CENPP: variants seen among roughly 807,000 people sequenced by gnomAD.
CENPP encodes the protein centromere protein P.
Under a neutral mutation model 35.6 loss-of-function variants are expected in CENPP, and 24 were observed. That is an observed-to-expected ratio of 0.67 (90% confidence interval 0.49 to 0.95). The LOEUF is 0.95. CENPP is among the 40% of genes least tolerant of loss of function. CENPP has a pLI of 0.00. For synonymous variants in CENPP, 120 were observed against 125.5 expected, an observed-to-expected ratio of 0.96 and a Z score of 0.29; for missense variants, 332 against 345.3, an observed-to-expected ratio of 0.96 and a Z score of 0.31.
chr9:92,565,037 G>A (rs546293799), intron 5 of CENPP, among the ~76,000 whole-genome samples: 2 of 152,066 alleles, frequency 1.3e-5, no homozygotes, highest in Admixed American at 1.3e-4. Context: ...ATAGAAGATT[G>A]GTTAAATCAC....
chr9:92,462,288 A>G (rs1845143974), intron 5 of CENPP, among the ~76,000 whole-genome samples: 1 of 152,068 alleles, frequency 6.6e-6, no homozygotes, highest in Non-Finnish European at 1.5e-5. Context: ...CTATTCTTTC[A>G]ATTAGCAGTA....
chr9:92,556,135 C>G (rs1849719352), intron 5 of CENPP, among the ~76,000 whole-genome samples: 1 of 152,154 alleles, frequency 6.6e-6, no homozygotes, highest in African/African-American at 2.4e-5. Context: ...ATCTTGATTT[C>G]ATTTTTGACC....
intron 5 of CENPP, among the ~76,000 whole-genome samples, chr9:92,527,700 G>A (rs896024508): frequency 1.3e-5 from 2 of 152,024 alleles, no homozygotes; most frequent in African/African-American, 4.8e-5. Context: ...CAAATGTTTA[G>A]GAAATGCAGG....
intron 5 of CENPP, among the ~76,000 whole-genome samples, chr9:92,504,819 G>A (rs938456017): frequency 1.3e-5 from 2 of 152,162 alleles, no homozygotes; most frequent in Non-Finnish European, 2.9e-5. Flanking sequence ...GATTACTGGC[G>A]TGAGCCACTG....
chr9:92,378,793 G>A (rs1312723613), intron 4 of CENPP, among the ~76,000 whole-genome samples: 2 of 152,188 alleles, frequency 1.3e-5, no homozygotes, highest in African/African-American at 4.8e-5. Flanking sequence ...CCTAGGCAAA[G>A]GAGTGAGATT....
At chr9:92,586,043 A>C (rs776578038) in intron 5 of CENPP, among the ~76,000 whole-genome samples, 24 of 151,186 alleles carry the variant, frequency 1.6e-4, no homozygotes, top group Non-Finnish European at 3.1e-4. Flanking sequence ...CATCTGTAGA[A>C]ATTTTTTTTT....
intron 5 of CENPP, among the ~76,000 whole-genome samples, chr9:92,508,541 T>C (rs1847146959): frequency 6.6e-6 from 1 of 152,236 alleles, no homozygotes; most frequent in Non-Finnish European, 1.5e-5. Context: ...TTATAGTTCA[T>C]ATACAGCCTG....
intron 5 of CENPP, among the ~76,000 whole-genome samples, chr9:92,460,775 C>T (rs1845079644): frequency 6.6e-6 from 1 of 152,146 alleles, no homozygotes; most frequent in Non-Finnish European, 1.5e-5. Context: ...CTCCTGGGTT[C>T]AAGCAGTTCT....
intron 5 of CENPP, chr9:92,494,167 AAG>A: frequency 6.3e-7 from 1 of 1,596,152 alleles, no homozygotes; most frequent in Non-Finnish European, 8.5e-7. Context: ...AAGTCAGAGT[AAG>A]AAATGAATGA....
intron 5 of CENPP, among the ~76,000 whole-genome samples, chr9:92,536,945 C>T (rs1185004320): frequency 6.6e-6 from 1 of 150,758 alleles, no homozygotes; most frequent in Non-Finnish European, 1.5e-5. Flanking sequence ...TCTCAGCACA[C>T]TGAAACCTCC....
intron 5 of CENPP, among the ~76,000 whole-genome samples, chr9:92,383,467 T>C (rs1484934977): frequency 6.6e-6 from 1 of 152,204 alleles, no homozygotes; most frequent in East Asian, 1.9e-4. Context: ...CTTTAGTTTT[T>C]TTCAGCAATG....
intron 5 of CENPP, among the ~76,000 whole-genome samples, chr9:92,602,847 T>G (rs1447780643): frequency 6.6e-6 from 1 of 151,504 alleles, no homozygotes; most frequent in Non-Finnish European, 1.5e-5. Flanking sequence ...TTTTTTTTTT[T>G]TGGCGCAATT....
intron 5 of CENPP, chr9:92,414,365 A>G (rs1008240088): frequency 8.0e-5 from 16 of 200,600 alleles, no homozygotes; most frequent in Non-Finnish European, 1.4e-4. Flanking sequence ...GTATTTTTAC[A>G]AAAACATTTA....
intron 4 of CENPP, among the ~76,000 whole-genome samples, chr9:92,357,209 T>C (rs1007491029): frequency 6.6e-6 from 1 of 151,928 alleles, no homozygotes; most frequent in East Asian, 1.9e-4. Flanking sequence ...TTTGTTTTTT[T>C]AAACTTTTTA....
At chr9:92,557,817 A>AT (rs1849760219) in intron 5 of CENPP, among the ~76,000 whole-genome samples, 2 of 151,770 alleles carry the variant, frequency 1.3e-5, no homozygotes, top group African/African-American at 2.4e-5. Flanking sequence ...TAATTTTTGT[A>AT]TTTTTTTAGT....
intron 5 of CENPP, among the ~76,000 whole-genome samples, chr9:92,549,646 C>CAAAAA (rs377339429): frequency 2.3e-4 from 21 of 90,602 alleles, no homozygotes; most frequent in African/African-American, 1.2e-3. Context: ...GACTCCGTCT[C>CAAAAA]AAAAAAAAAA....
intron 5 of CENPP, among the ~76,000 whole-genome samples, chr9:92,532,034 A>ATTTTTTTTTTTTTTTTTTTTTT (rs58499748): frequency 3.1e-5 from 3 of 98,248 alleles, no homozygotes; most frequent in Admixed American, 9.8e-5. Context: ...TTTTTATTTT[A>ATTTTTTTTTTTTTTTTTTTTTT]TTTTTTTTTT....
chr9:92,546,374 C>T (rs1164533314), intron 5 of CENPP, among the ~76,000 whole-genome samples: 2 of 152,130 alleles, frequency 1.3e-5, no homozygotes, highest in African/African-American at 2.4e-5. Flanking sequence ...TTGCTCTTTG[C>T]AATAAATCTT....
intron 5 of CENPP, among the ~76,000 whole-genome samples, chr9:92,486,749 T>C (rs575387746): frequency 4.6e-5 from 7 of 152,220 alleles, no homozygotes; most frequent in African/African-American, 1.7e-4. Flanking sequence ...GAAGGACTTA[T>C]ACAATTTTGT....
Sources: allele counts gnomAD v4.1 joint callset (sites outside exome capture counted in the v4.1 genomes callset), GRCh38; gene constraint gnomAD v4.1.1; transcripts MANE v1.5; gene names NCBI Gene and HGNC (gene_info 2026-07-23, HGNC 2026-07-21).